Variants in CLN6 observed in about 807,000 individuals in gnomAD.
CLN6 encodes the protein CLN6 transmembrane ER protein.
A neutral mutation model predicts 33.3 loss-of-function variants in CLN6; 22 were observed. The observed-to-expected ratio is 0.66, with a 90% CI of 0.47 to 0.94. CLN6 has a LOEUF of 0.94. Among genes scored for constraint, CLN6 ranks in the 40% least tolerant of loss-of-function variants. The pLI is 0.00. For missense variants in CLN6, 387 were observed against 417.1 expected (o/e 0.93, Z 0.63); for synonymous variants, 201 against 174.6 (o/e 1.15, Z -1.19).
intron 2 of CLN6, chr15:68,218,144 T>G: frequency 4.1e-6 from 1 of 246,162 alleles, no homozygotes; most frequent in Non-Finnish European, 8.2e-6. Context: ...TATCCCAAGG[T>G]AATGGGGAAG....
intron 1 of CLN6, among the ~76,000 whole-genome samples, chr15:68,239,219 A>G (rs1308218336): frequency 1.3e-5 from 2 of 152,148 alleles, no homozygotes; most frequent in African/African-American, 4.8e-5. Context: ...TGGAAAGCCA[A>G]AAAAGGGTAT....
At position 68,211,529 on chromosome 15, in the gene CLN6, G is replaced by A. The variant is rs1222008750; in HGVS notation, c.486+146C>T. On this transcript the variant is annotated intron_variant, in intron 4 of 6. Transcript: ENST00000249806. This position sits in a 1 kb window ranked among gnomAD's most constrained non-coding sequence, Gnocchi z 5.9. ...TTCCTAAGAACACTTGAGCATCCTA[G>A]CTTGGGGCAGGCGACAGTGCCCTCA... The A allele has an allele frequency of 1.3e-6, 2 of 1,593,780 alleles. No individual in the cohort carries two copies. The highest frequency in any genetic ancestry group is 1.3e-5 in the African/African-American group (1 of 74,772).
rs368546281 is a variant in CLN6 at position 68,209,705 on chromosome 15, G to C, written c.597C>G (p.Ala199=). ...CTGGAATCAAGCTCTCAGCTTTAGA[G>C]GCAGTAAAGCAGCCGCTGAAGTACA... The part of the protein sequence containing the change: ...LFMYFSGCFT[A]SKAESLIPGP... Residue 199 remains alanine (A), a synonymous_variant, in exon 6 of 7, where the codon GCC becomes GCG. Coordinates refer to ENST00000249806, the MANE Select transcript of CLN6 (RefSeq NM_017882.3). The surrounding 1 kb of genome is among the most constrained non-coding windows in gnomAD (Gnocchi z 4.9). 9.3e-6 allele frequency: 15 copies of C among 1,613,734 alleles called. No individual in the cohort carries two copies. The African/African-American group carries it at 1.9e-4, about 20-fold the overall frequency.
chr15:68,208,134 A>G lies in CLN6; in HGVS notation c.*6T>C, dbSNP rs2093193223. ...CAGCAGAGCGCCAGAGCCTGGTGCCAGGGACTCAGTGCCGACTGCTGACGT... is the reference window on the plus strand; with the variant it reads ...CAGCAGAGCGCCAGAGCCTGGTGCCGGGGACTCAGTGCCGACTGCTGACGT... On this transcript the variant is annotated 3_prime_UTR_variant, in exon 7 of 7. Coordinates refer to ENST00000249806, the MANE Select transcript of CLN6 (RefSeq NM_017882.3). The surrounding 1 kb of genome is among the most constrained non-coding windows in gnomAD (Gnocchi z 5.8). 8.6e-7 allele frequency: 1 copy of G among 1,156,924 alleles called. No individual in the cohort carries two copies. Among genetic ancestry groups the G allele is most frequent in the African/African-American group, 1.7e-5 (1 of 57,588 alleles). The allele number at this position is 1,156,924 out of a possible 1,614,324, so 71.7% of individuals were successfully genotyped here. A position where few individuals can be genotyped will look rare whatever the true frequency, so the allele number is the denominator to read the frequency against.
intron 1 of CLN6, among the ~76,000 whole-genome samples, chr15:68,225,781 T>C (rs1285674701): frequency 6.6e-6 from 1 of 151,956 alleles, no homozygotes. Flanking sequence ...GAGACCAGCC[T>C]GGCCAACACG....
In CLN6 at chr15:68,241,807, G is replaced by C. The variant is rs942842645; in HGVS notation, c.179+14883C>G. Reference sequence around the variant, plus strand: ...TCTGCTCTGGGACCTCCCCCATTTGGAACTTCAGTGTTCCAATTGTTTATT... The same window carrying C: ...TCTGCTCTGGGACCTCCCCCATTTGCAACTTCAGTGTTCCAATTGTTTATT... On this transcript the variant is annotated intron_variant, in intron 1 of 6. Coordinates refer to the CLN6 transcript ENST00000538696. The surrounding 1 kb of genome is among the most constrained non-coding windows in gnomAD (Gnocchi z 4.2). Among the ~76,000 whole-genome samples, 2 of 152,074 alleles carry C rather than the reference G, an allele frequency of 1.3e-5. No individual in the cohort carries two copies. Among genetic ancestry groups the C allele is most frequent in the African/African-American group, 4.8e-5 (2 of 41,398 alleles).
chr15:68,229,530 G>A lies in CLN6; in HGVS notation c.55C>T (p.Gln19Ter). 1 of 1,465,676 alleles carries A rather than the reference G, an allele frequency of 6.8e-7. No individual in the cohort carries two copies. Among genetic ancestry groups the A allele is most frequent in the Non-Finnish European group, 9.0e-7 (1 of 1,113,690 alleles). 90.8% of individuals were successfully genotyped at this position (1,465,676 alleles called of 1,614,324 possible). A position where few individuals can be genotyped will look rare whatever the true frequency, so the allele number is the denominator to read the frequency against. ...HLGATGGPGA[Q>*]LGASFLQARH... ...GCCTGCAGGAAGGAGGCGCCCAGCT[G>A]CGCGCCTGGGCCGCCCGTCGCTCCC... The change falls in exon 1 of 7, where the codon CAG becomes TAG. Residue 19 changes from glutamine (Q) to a stop codon, truncating the protein, a stop_gained. Transcript: ENST00000249806. LOFTEE classifies it high-confidence loss of function.
Position 68,211,923 on chromosome 15 carries a change from TC to T in CLN6, c.298-61del, listed in dbSNP as rs1225412655. 8 of 1,538,080 alleles carry T rather than the reference TC, an allele frequency of 5.2e-6. No homozygotes were observed. The East Asian group carries it at 1.6e-4, about 30-fold the overall frequency. ...ACCTCTGTCACAGTATGTGACACCC[TC>T]TGCTTCCCCCCTCACACCTGGGGTG... On this transcript the variant is annotated intron_variant, in intron 3 of 6. Transcript: ENST00000249806. The surrounding 1 kb of genome is among the most constrained non-coding windows in gnomAD (Gnocchi z 5.9).
intron 1 of CLN6, among the ~76,000 whole-genome samples, chr15:68,253,951 C>G (rs1892406575): frequency 6.6e-6 from 1 of 151,004 alleles, no homozygotes; most frequent in African/African-American, 2.4e-5. Flanking sequence ...TGCAGTGGCT[C>G]ACTGCAAGCT....
In CLN6 at chr15:68,237,163, CAAAAAAAAAAAAAAA is replaced by C. The variant is rs71145147; in HGVS notation, c.180-18528_180-18514del. On this transcript the variant is annotated intron_variant, in intron 1 of 6. Coordinates refer to the CLN6 transcript ENST00000538696. ...TGGGCGACAGAGCGAGACTCCGTCT[CAAAAAAAAAAAAAAA>C]AAAAAAAAAAACTGAATGGAGGCCA... is the stretch of plus-strand genomic sequence containing the variant. Among the ~76,000 whole-genome samples the C allele has an allele frequency of 1.6e-4, 12 of 73,928 alleles. No individual in the cohort carries two copies. The East Asian group carries it at 6.0e-3, about 37-fold the overall frequency. The allele number at this position is 73,928 out of a possible 152,430, so 48.5% of individuals were successfully genotyped here.
chr15:68,222,708 AAG>A (rs1394958914), intron 1 of CLN6, among the ~76,000 whole-genome samples: 2 of 152,236 alleles, frequency 1.3e-5, no homozygotes, highest in Non-Finnish European at 2.9e-5. Flanking sequence ...GGGGAAAAGA[AAG>A]AGAGATCAGA....
rs2093258456 is a variant in CLN6, at chr15:68,228,478, G to T, written c.83+1024C>A. The stretch of plus-strand genomic sequence containing the variant: ...GGCAGTGCGCCTACCCCTAAGTTTT[G>T]CAATCTAGGTCCTCAACTCGAGTCC... On this transcript the variant is annotated intron_variant, in intron 1 of 6. Transcript: ENST00000249806. The surrounding 1 kb of genome is among the most constrained non-coding windows in gnomAD (Gnocchi z 4.4). Among the ~76,000 whole-genome samples, 1 of 152,150 alleles carries T rather than the reference G, an allele frequency of 6.6e-6. No individual in the cohort carries two copies. Among genetic ancestry groups the T allele is most frequent in the Non-Finnish European group, 1.5e-5 (1 of 68,014 alleles).
Position 68,214,353 on chromosome 15 carries a change from C to A in CLN6, c.234G>T (p.Lys78Asn). ...VFPLEWFPLN[K>N]PSVGDYFHMA... ...TGTGGAAGTAGTCCCCAACACTGGG[C>A]TTGTTGAGTGGAAACCACTCGAGAG... Residue 78 changes from lysine (K) to asparagine (N), a missense_variant, in exon 3 of 7, where the codon AAG (lysine) becomes AAT (asparagine). By Grantham distance (94) the Lys-to-Asn change is moderately conservative (BLOSUM62 0). Transcript: ENST00000249806. The A allele has an allele frequency of 6.2e-7, 1 of 1,614,066 alleles. No homozygotes were observed. Among genetic ancestry groups the A allele is most frequent in the Non-Finnish European group, 8.5e-7 (1 of 1,179,908 alleles).
intron 1 of CLN6, among the ~76,000 whole-genome samples, chr15:68,224,720 CT>C (rs1451582599): frequency 6.6e-6 from 1 of 151,960 alleles, no homozygotes. Context: ...AAGGCATCCT[CT>C]CCCCCAGCTC....
In CLN6 at chr15:68,256,550, T is replaced by G. The variant is rs1182708975; in HGVS notation, c.179+140A>C. 1.8e-5 allele frequency: 9 copies of G among 510,034 alleles called. No homozygotes were observed. The South Asian group carries it at 2.7e-4, about 16-fold the overall frequency. The allele number at this position is 510,034 out of a possible 1,614,324, so 31.6% of individuals were successfully genotyped here. A position where few individuals can be genotyped will look rare whatever the true frequency, so the allele number is the denominator to read the frequency against. ...TATAGCACTCCTGTATCACAGTATT[T>G]GTTATTACAATACTCTCTTTGGGAT... On this transcript the variant is annotated intron_variant, in intron 1 of 6. Transcript: ENST00000538696. The surrounding 1 kb of genome is among the most constrained non-coding windows in gnomAD (Gnocchi z 4.1).
Position 68,208,331 on chromosome 15 carries a change from T to A in CLN6, c.745A>T (p.Lys249Ter). The A allele has an allele frequency of 6.2e-7, 1 of 1,614,096 alleles. No individual in the cohort carries two copies. The change falls in exon 7 of 7, where the codon AAG becomes TAG. Residue 249 changes from lysine to a stop codon, truncating the protein, a stop_gained. Transcript: ENST00000249806. LOFTEE classifies it high-confidence loss of function. The surrounding 1 kb of genome is among the most constrained non-coding windows in gnomAD (Gnocchi z 5.8). ...CTGTCCAGGAAGAGGCGCTTGCGCT[T>A]CTGGTGCAGGACGAGGGCCAGCATG... ...FAMLALVLHQ[K>*]RKRLFLDSNG...
chr15:68,208,094 G>GGCCCCCCCCCCCCCCCCC lies in CLN6; in HGVS notation c.*45_*46insGGGGGGGGGGGGGGGGGC. On this transcript the variant is annotated 3_prime_UTR_variant, in exon 7 of 7. Coordinates refer to ENST00000249806, the MANE Select transcript of CLN6 (RefSeq NM_017882.3). The surrounding 1 kb of genome is among the most constrained non-coding windows in gnomAD (Gnocchi z 5.8). ...CTCCTGTATTCAGATGCCCTCCATG[G>GGCCCCCCCCCCCCCCCCC]CCCACCCTCCCACCCAGCAGAGCGC... 3.6e-6 allele frequency: 5 copies of GGCCCCCCCCCCCCCCCCC among 1,375,276 alleles called. No homozygotes were observed. The highest frequency in any genetic ancestry group is 5.0e-6 in the Non-Finnish European group (5 of 992,022). 85.2% of individuals were successfully genotyped at this position (1,375,276 alleles called of 1,614,324 possible).
At chr15:68,244,418 GA>G (rs1475055288) in intron 1 of CLN6, among the ~76,000 whole-genome samples, 5 of 114,038 alleles carry the variant, frequency 4.4e-5, no homozygotes, top group Non-Finnish European at 1.1e-4. Flanking sequence ...TCAAAGTGCT[GA>G]AAGAAAAAAA....
upstream of CLN6, among the ~76,000 whole-genome samples, chr15:68,234,378 G>C (rs1288309629): frequency 6.6e-6 from 1 of 152,194 alleles, no homozygotes; most frequent in Non-Finnish European, 1.5e-5. This position sits in a 1 kb window ranked among gnomAD's most constrained non-coding sequence, Gnocchi z 4.1. Context: ...TGCCCACCCT[G>C]AGCCAGGCAG....
Sources: allele counts gnomAD v4.1 joint callset (sites outside exome capture counted in the v4.1 genomes callset), GRCh38; gene constraint gnomAD v4.1.1; non-coding constraint Gnocchi (gnomAD v3.1); transcripts MANE v1.5; gene names NCBI Gene and HGNC (gene_info 2026-07-23, HGNC 2026-07-21).